ASTN2: variants seen among roughly 807,000 people sequenced by gnomAD.
The protein encoded by ASTN2 is astrotactin-2.
A neutral mutation model predicts 139.8 loss-of-function variants in ASTN2; 54 were observed. The ratio of observed to expected loss-of-function variants is 0.39; its 90% CI spans 0.31 to 0.48. The LOEUF (loss-of-function observed/expected upper bound fraction) is 0.48, where lower values mean the gene tolerates loss of function less well. Ranked by LOEUF, ASTN2 falls within the 20% of genes least tolerant of loss-of-function variation. The pLI, the probability that ASTN2 is intolerant of heterozygous loss-of-function variation, is 0.95. For missense variants in ASTN2, 1,565 were observed against 1,725.1 expected (o/e 0.91, Z 1.64); for synonymous variants, 756 against 719.5 (o/e 1.05, Z -0.81).
chr9:116,996,742 C>T (rs1181122603), intron 7 of ASTN2, among the ~76,000 whole-genome samples: 1 of 152,098 alleles, frequency 6.6e-6, no homozygotes, highest in Non-Finnish European at 1.5e-5. Flanking sequence ...ATAACACTCT[C>T]AATTCCAACC....
intron 5 of ASTN2, among the ~76,000 whole-genome samples, chr9:117,066,994 GA>G (rs1163950765): frequency 1.9e-5 from 2 of 102,998 alleles, no homozygotes; most frequent in Non-Finnish European, 4.0e-5. Flanking sequence ...TTGCTGTGCA[GA>G]AGCTCTTTAG....
At chr9:116,838,371 A>G (rs1832081615) in intron 11 of ASTN2, among the ~76,000 whole-genome samples, 1 of 151,788 alleles carries the variant, frequency 6.6e-6, no homozygotes, top group African/African-American at 2.4e-5. Flanking sequence ...CAGCACTCCC[A>G]AAGTACTGGG....
chr9:116,914,799 G>T (rs537030679), intron 10 of ASTN2, among the ~76,000 whole-genome samples: 1 of 152,160 alleles, frequency 6.6e-6, no homozygotes, highest in South Asian at 2.1e-4. Flanking sequence ...TTTAATGTTC[G>T]CTGGCTAATT....
intron 2 of ASTN2, among the ~76,000 whole-genome samples, chr9:117,219,907 GA>G (rs1281076064): frequency 2.6e-5 from 4 of 152,182 alleles, no homozygotes; most frequent in Non-Finnish European, 5.9e-5. Context: ...CTCTGATGGG[GA>G]AACCAGGTGC....
intron 1 of ASTN2, among the ~76,000 whole-genome samples, chr9:117,389,058 A>G (rs1281182965): frequency 6.6e-6 from 1 of 152,192 alleles, no homozygotes; most frequent in Non-Finnish European, 1.5e-5. Context: ...TTTCACTTCA[A>G]CCTGAGCAAG....
intron 10 of ASTN2, among the ~76,000 whole-genome samples, chr9:116,958,443 G>T (rs1173939605): frequency 6.6e-6 from 1 of 152,102 alleles, no homozygotes; most frequent in Non-Finnish European, 1.5e-5. Flanking sequence ...AGAAAAATTA[G>T]CCGGGCGTGG....
chr9:116,605,544 T>C (rs182709100), intron 19 of ASTN2, among the ~76,000 whole-genome samples: 187 of 152,246 alleles, frequency 1.2e-3, no homozygotes, highest in Non-Finnish European at 2.2e-3. Flanking sequence ...GTGTGACCTA[T>C]CCCTTCTTGT....
intron 22 of ASTN2, 72 bp from the exon 23 acceptor site, chr9:116,426,160 G>A: frequency 1.9e-6 from 3 of 1,566,074 alleles, no homozygotes; most frequent in East Asian, 2.3e-5. Context: ...GGTAGTAAAT[G>A]TCAACAAACA....
intron 13 of ASTN2, among the ~76,000 whole-genome samples, chr9:116,744,286 A>G (rs1339770399): frequency 6.6e-6 from 1 of 152,174 alleles, no homozygotes; most frequent in African/African-American, 2.4e-5. Flanking sequence ...AGGATGGGAT[A>G]GGGCTAGAGG....
At chr9:116,889,767 ACAC>A (rs1833715681) in intron 10 of ASTN2, among the ~76,000 whole-genome samples, 49 of 140,132 alleles carry the variant, frequency 3.5e-4, no homozygotes, top group African/African-American at 7.1e-4. Flanking sequence ...ACACACACAC[ACAC>A]AAATAAGAAA....
At chr9:117,260,622 A>G (rs1240106415) in intron 2 of ASTN2, among the ~76,000 whole-genome samples, 2 of 152,212 alleles carry the variant, frequency 1.3e-5, no homozygotes, top group African/African-American at 4.8e-5. Flanking sequence ...TGGTCTTTGA[A>G]TGTAGTCACC....
chr9:116,549,410 C>T (rs1341172626), intron 19 of ASTN2, among the ~76,000 whole-genome samples: 1 of 152,216 alleles, frequency 6.6e-6, no homozygotes, highest in Non-Finnish European at 1.5e-5. Flanking sequence ...CTCTGAGCCA[C>T]ACTTGGCTGT....
intron 5 of ASTN2, among the ~76,000 whole-genome samples, chr9:117,060,352 A>G (rs796375110): frequency 9.7e-4 from 61 of 63,076 alleles, no homozygotes; most frequent in African/African-American, 3.9e-3. Context: ...GAGAGAAAGA[A>G]AGAAAGAAAG....
intron 10 of ASTN2, among the ~76,000 whole-genome samples, chr9:116,910,265 C>T (rs962616500): frequency 5.3e-5 from 8 of 152,170 alleles, no homozygotes; most frequent in Admixed American, 3.3e-4. Flanking sequence ...TTTAAAGATG[C>T]GTGTATCTTT....
At chr9:117,243,388 A>G (rs1237538583) in intron 2 of ASTN2, among the ~76,000 whole-genome samples, 1 of 152,260 alleles carries the variant, frequency 6.6e-6, no homozygotes, top group African/African-American at 2.4e-5. Context: ...CCACCCAGCA[A>G]TTAAGCTGGT....
intron 3 of ASTN2, among the ~76,000 whole-genome samples, chr9:117,141,886 G>A (rs906308478): frequency 3.9e-5 from 6 of 152,136 alleles, no homozygotes; most frequent in Admixed American, 2.0e-4. Context: ...ACTGAAAAGG[G>A]TCATCACACC....
chr9:116,712,722 C>T (rs539845867), intron 16 of ASTN2, among the ~76,000 whole-genome samples: 4 of 152,256 alleles, frequency 2.6e-5, no homozygotes, highest in Admixed American at 1.3e-4. Context: ...TTGAAAGTTG[C>T]GTTCCTTTCT....
intron 16 of ASTN2, among the ~76,000 whole-genome samples, chr9:116,683,046 A>ATAAAATAAAT (rs56075517): frequency 6.6e-6 from 1 of 150,948 alleles, no homozygotes. Context: ...ATAAAATAAA[A>ATAAAATAAAT]AATAAAAAAT....
intron 10 of ASTN2, among the ~76,000 whole-genome samples, chr9:116,919,578 T>C (rs1014434337): frequency 2.0e-5 from 3 of 151,654 alleles, no homozygotes; most frequent in Non-Finnish European, 2.9e-5. Context: ...AACAACAAGG[T>C]CCCTCCTCCT....
Sources: allele counts gnomAD v4.1 joint callset (sites outside exome capture counted in the v4.1 genomes callset), GRCh38; gene constraint gnomAD v4.1.1; transcripts MANE v1.5; gene names NCBI Gene and HGNC (gene_info 2026-07-23, HGNC 2026-07-21).